Variants in LRIG1 observed in about 807,000 individuals in gnomAD.
The protein encoded by LRIG1 is leucine-rich repeats and immunoglobulin-like domains protein 1.
Under a neutral mutation model 99.2 loss-of-function variants are expected in LRIG1, and 48 were observed. That is an observed-to-expected ratio of 0.48 (90% CI 0.38 to 0.62). The LOEUF (loss-of-function observed/expected upper bound fraction) is 0.62. Ranked by LOEUF, LRIG1 falls within the 20% of genes least tolerant of loss-of-function variation. LRIG1 has a pLI of 0.00. For missense variants in LRIG1, 1,646 were observed against 1,434.4 expected, an observed-to-expected ratio of 1.15 and a Z score of -2.38; for synonymous variants, 772 against 596.1, an observed-to-expected ratio of 1.29 and a Z score of -4.30.
In LRIG1 at chr3:66,455,739, G is replaced by A. The variant is rs552092058; in HGVS notation, c.291-4106C>T. Among the ~76,000 whole-genome samples, 58 of 152,226 alleles carry A rather than the reference G, an allele frequency of 3.8e-4. 1 individual carries two copies. The highest frequency in any genetic ancestry group is 1.4e-3 in the African/African-American group (58 of 41,530). On this transcript the variant is annotated intron_variant, in intron 2 of 18. Coordinates refer to ENST00000273261, the MANE Select transcript of LRIG1 (RefSeq NM_015541.3). The stretch of plus-strand genomic sequence containing the variant: ...ATAGGAATATGGGTTTCGGAAGCAG[G>A]GCCACTTAATAACTGTATTCTGCTT...
intron 12 of LRIG1, chr3:66,387,276 G>A (rs1176523453): frequency 1.3e-5 from 2 of 152,096 alleles, no homozygotes; most frequent in Non-Finnish European, 2.9e-5. Context: ...TGGGGATCTA[G>A]ACAGCCACAT....
At chr3:66,473,733 G>A (rs1051853612) in intron 1 of LRIG1, among the ~76,000 whole-genome samples, 2 of 152,168 alleles carry the variant, frequency 1.3e-5, no homozygotes, top group African/African-American at 2.4e-5. Flanking sequence ...AGGGAGGCAC[G>A]CGACTATCTC....
chr3:66,496,906 T>C (rs1365449606), intron 1 of LRIG1, among the ~76,000 whole-genome samples: 1 of 152,232 alleles, frequency 6.6e-6, no homozygotes, highest in East Asian at 1.9e-4. Context: ...ACAAAGGCCC[T>C]CTTTGCTTCC....
chr3:66,444,199 C>G (rs577361402), intron 3 of LRIG1, among the ~76,000 whole-genome samples: 4 of 152,344 alleles, frequency 2.6e-5, no homozygotes, highest in Admixed American at 2.6e-4. Flanking sequence ...CCACGTTGGG[C>G]TGCTCACGAA....
intron 2 of LRIG1, among the ~76,000 whole-genome samples, 157 bp downstream of exon 2, chr3:66,462,281 G>C (rs766733163): frequency 6.6e-6 from 1 of 152,158 alleles, no homozygotes; most frequent in Non-Finnish European, 1.5e-5. Flanking sequence ...GGAGAGATAA[G>C]CAGGAGTAGA....
At chr3:66,494,712 A>G (rs565325293) in intron 1 of LRIG1, among the ~76,000 whole-genome samples, 1 of 152,392 alleles carries the variant, frequency 6.6e-6, no homozygotes, top group Admixed American at 6.5e-5. Flanking sequence ...AGAAAAGTTC[A>G]CAAGCATACC....
At chr3:66,445,988 T>G (rs9861379) in intron 3 of LRIG1, among the ~76,000 whole-genome samples, 1 of 152,142 alleles carries the variant, frequency 6.6e-6, no homozygotes, top group African/African-American at 2.4e-5. Flanking sequence ...GGACTCTCAT[T>G]ATTCCCCCCA....
In LRIG1 at chr3:66,472,303, C is replaced by CAA. The variant is rs71105995; in HGVS notation, c.219-9796_219-9795dup. On this transcript the variant is annotated intron_variant, in intron 1 of 18. Coordinates refer to ENST00000273261, the MANE Select transcript of LRIG1 (RefSeq NM_015541.3). ...TGGGTGACAGAGCAAGACTCTGTCT[C>CAA]AAAAAAAAAAAAAAAAAAAAAAAAA... 3.0e-3 allele frequency among the ~76,000 whole-genome samples: 192 copies of CAA among 63,866 alleles called. 15 individuals carry two copies. Among genetic ancestry groups the CAA allele is most frequent in the Admixed American group, 7.1e-3 (27 of 3,810 alleles). 41.9% of individuals were successfully genotyped at this position (63,866 alleles called of 152,430 possible).
At position 66,426,346 on chromosome 3, in the gene LRIG1, G is replaced by A. The variant is rs1702981785; in HGVS notation, c.366-9080C>T. ...ACTTTATTTACAAAAACAAGCAGTG[G>A]GCCAGGATTGGGACCACTGTCTGTG... On this transcript the variant is annotated intron_variant, in intron 3 of 18. Coordinates refer to ENST00000273261, the MANE Select transcript of LRIG1 (RefSeq NM_015541.3). Among the ~76,000 whole-genome samples, 3 of 152,150 alleles carry A rather than the reference G, an allele frequency of 2.0e-5. No individual in the cohort carries two copies. The South Asian group carries it at 6.2e-4, about 32-fold the overall frequency.
intron 2 of LRIG1, among the ~76,000 whole-genome samples, chr3:66,456,094 G>T (rs1700215170): frequency 6.6e-6 from 1 of 152,166 alleles, no homozygotes; most frequent in Non-Finnish European, 1.5e-5. Flanking sequence ...GACATATCTT[G>T]GTTCACTCAA....
intron 9 of LRIG1, among the ~76,000 whole-genome samples, chr3:66,404,842 A>C (rs1253219471): frequency 1.3e-5 from 2 of 152,154 alleles, no homozygotes. Flanking sequence ...ACTGACCTTT[A>C]CACAACTTTG....
rs370809476 is a variant in LRIG1, at chr3:66,381,650, A to G, written c.2618-19T>C. On this transcript the variant is annotated intron_variant, in intron 16 of 18. Coordinates refer to ENST00000273261, the MANE Select transcript of LRIG1 (RefSeq NM_015541.3). ...CACACACCTGCAAGTGGATTCCAAC[A>G]CGATTAGAAACTCTGGGCTTGGTAT... 6.0e-5 allele frequency: 97 copies of G among 1,605,184 alleles called. No homozygotes were observed. The African/African-American group carries it at 1.2e-3, about 20-fold the overall frequency.
chr3:66,427,420 A>G (rs1195622021), intron 3 of LRIG1, among the ~76,000 whole-genome samples: 1 of 152,222 alleles, frequency 6.6e-6, no homozygotes, highest in East Asian at 1.9e-4. Flanking sequence ...CCTGATGCCT[A>G]CCTAAGGAGG....
intron 1 of LRIG1, among the ~76,000 whole-genome samples, chr3:66,485,394 T>C (rs892538225): frequency 4.6e-5 from 7 of 152,132 alleles, no homozygotes; most frequent in African/African-American, 9.7e-5. Context: ...TTATATGTTC[T>C]TGAGTTAAAA....
chr3:66,380,651 G>C lies in LRIG1; in HGVS notation c.2981C>G (p.Ser994Trp). 1 of 1,614,178 alleles carries C rather than the reference G, an allele frequency of 6.2e-7. No individual in the cohort carries two copies. The highest frequency in any genetic ancestry group is 1.6e-4 in the Middle Eastern group (1 of 6,062). The change falls in exon 18 of 19, where the codon TCG becomes TGG. Residue 994 changes from serine (S) to tryptophan (W), a missense_variant. By Grantham distance (177) the Ser-to-Trp change is radical (BLOSUM62 -3). Transcript: ENST00000273261. Reference protein sequence around the residue: ...AAGSCPECQGSLYPSNHDRML... With the variant: ...AAGSCPECQGWLYPSNHDRML... ...TCTATCGTGGTTACTGGGGTAGAGC[G>C]ACCCTTGGCACTCGGGGCAGGACCC...
Position 66,405,218 on chromosome 3 carries a change from C to T in LRIG1, c.1140G>A (p.Gly380=). The T allele has an allele frequency of 6.2e-7, 1 of 1,614,188 alleles. No homozygotes were observed. Among genetic ancestry groups the T allele is most frequent in the East Asian group, 2.2e-5 (1 of 44,888 alleles). ...TIEDTSGAFS[G]LDSLSKLTLF... Reference sequence around the variant, plus strand: ...CTCACAGCTTGCTGAGGCTGTCGAGCCCTGAGAAGGCGCCGCTCGTGTCCT... The same window carrying T: ...CTCACAGCTTGCTGAGGCTGTCGAGTCCTGAGAAGGCGCCGCTCGTGTCCT... Residue 380 remains glycine, a synonymous_variant, in exon 9 of 19, where the codon GGG becomes GGA. Coordinates refer to ENST00000273261, the MANE Select transcript of LRIG1 (RefSeq NM_015541.3).
At chr3:66,433,843 C>T (rs1010955037) in intron 3 of LRIG1, among the ~76,000 whole-genome samples, 3 of 152,344 alleles carry the variant, frequency 2.0e-5, no homozygotes, top group Middle Eastern at 3.4e-3. Flanking sequence ...CATCTCAACC[C>T]GTGCCTTGTC....
rs143721379 is a variant in LRIG1 at position 66,382,297 on chromosome 3, C to G, written c.2593G>C (p.Ala865Pro). Residue 865 changes from alanine (A) to proline (P), a missense_variant, in exon 16 of 19, where the codon GCC becomes CCC. Ala to Pro is a conservative substitution (Grantham distance 27). Coordinates refer to ENST00000273261, the MANE Select transcript of LRIG1 (RefSeq NM_015541.3). ...CCATTGCTCTCAATGTGCCCATTGG[C>G]CTGAGGGCCACCCTCGGTCCTGACC... ...TVVRTEGGPQ[A>P]NGHIESNGVC... 3.7e-6 allele frequency: 6 copies of G among 1,614,062 alleles called. No homozygotes were observed. In the African/African-American group the frequency reaches 8.0e-5, roughly 22 times the overall value.
At chr3:66,411,665 G>T (rs369952278) in intron 6 of LRIG1, among the ~76,000 whole-genome samples, 6 of 152,302 alleles carry the variant, frequency 3.9e-5, no homozygotes, top group African/African-American at 1.4e-4. Flanking sequence ...ATGGACCTGG[G>T]CCTAGCTCGT....
Sources: gnomAD v4.1 joint callset for allele counts (sites outside exome capture counted in the v4.1 genomes callset) on GRCh38, gnomAD v4.1.1 for gene constraint, MANE v1.5 for transcripts, NCBI Gene and HGNC (gene_info 2026-07-23, HGNC 2026-07-21) for gene names.